The following DENND1B variants were observed in gnomAD, a reference collection of about 807,000 sequenced individuals.
DENND1B encodes the protein DENN domain containing 1B.
A neutral mutation model predicts 90.1 loss-of-function variants in DENND1B; 59 were observed. The ratio of observed to expected loss-of-function variants is 0.65; its 90% CI spans 0.53 to 0.81. The LOEUF is 0.81. Ranked by LOEUF, DENND1B falls within the 40% of genes least tolerant of loss-of-function variation. DENND1B has a pLI of 0.00. For synonymous variants in DENND1B, 337 were observed against 324.6 expected (o/e 1.04, Z -0.41); for missense variants, 862 against 912.6 (o/e 0.94, Z 0.71).
intron 12 of DENND1B, among the ~76,000 whole-genome samples, chr1:197,609,906 T>A (rs781725518): frequency 1.3e-5 from 2 of 150,732 alleles, no homozygotes; most frequent in Non-Finnish European, 3.0e-5. Flanking sequence ...AATAGCTGTA[T>A]CAATATTTTA....
At chr1:197,660,899 G>A (rs963927612) in intron 5 of DENND1B, among the ~76,000 whole-genome samples, 3 of 152,066 alleles carry the variant, frequency 2.0e-5, no homozygotes, top group South Asian at 4.2e-4. Flanking sequence ...AGGAATACAC[G>A]GATGTAGGAG....
chr1:197,730,997 T>C (rs1662096245), intron 2 of DENND1B, among the ~76,000 whole-genome samples: 1 of 152,124 alleles, frequency 6.6e-6, no homozygotes, highest in African/African-American at 2.4e-5. Flanking sequence ...CCCATAATGT[T>C]GATATTACCA....
At chr1:197,612,655 A>C (rs1677284855) in intron 11 of DENND1B, among the ~76,000 whole-genome samples, 1 of 150,702 alleles carries the variant, frequency 6.6e-6, no homozygotes, top group South Asian at 2.1e-4. Context: ...AATTTTAATA[A>C]ATTTAAAAAT....
At chr1:197,611,851 T>C in intron 12 of DENND1B, 80 bp downstream of exon 12, 2 of 1,271,136 alleles carry the variant, frequency 1.6e-6, no homozygotes, top group South Asian at 2.5e-5. Flanking sequence ...ATACCACTGA[T>C]ATTTCTTCAA....
intron 16 of DENND1B, 99 bp from the exon 17 acceptor site, chr1:197,546,872 G>T: frequency 1.0e-6 from 1 of 1,004,312 alleles, no homozygotes; most frequent in Non-Finnish European, 1.5e-6. Context: ...TTTTTAGTAG[G>T]CAAATTTTAT....
At chr1:197,621,045 G>A (rs1371239379) in intron 10 of DENND1B, among the ~76,000 whole-genome samples, 1 of 151,228 alleles carries the variant, frequency 6.6e-6, no homozygotes, top group Non-Finnish European at 1.5e-5. Flanking sequence ...GCATTCAGAA[G>A]TCCCAGGTGA....
At chr1:197,642,292 C>A (rs1680332547) in intron 10 of DENND1B, among the ~76,000 whole-genome samples, 1 of 152,110 alleles carries the variant, frequency 6.6e-6, no homozygotes, top group African/African-American at 2.4e-5. Flanking sequence ...CACTACTTGG[C>A]AACAAAGATG....
chr1:197,648,722 A>G (rs1652764085), intron 7 of DENND1B, among the ~76,000 whole-genome samples: 1 of 152,270 alleles, frequency 6.6e-6, no homozygotes, highest in African/African-American at 2.4e-5. Context: ...TTCTTTGGGC[A>G]TCAATGACCT....
At chr1:197,580,053 T>C (rs939135876) in intron 15 of DENND1B, among the ~76,000 whole-genome samples, 1 of 150,632 alleles carries the variant, frequency 6.6e-6, no homozygotes, top group Non-Finnish European at 1.5e-5. Context: ...TCTTTCATTG[T>C]ATTTTTAATA....
chr1:197,543,219 C>T (rs1261468602), intron 18 of DENND1B, among the ~76,000 whole-genome samples: 4 of 152,158 alleles, frequency 2.6e-5, no homozygotes, highest in Non-Finnish European at 5.9e-5. Flanking sequence ...CAGGTGTGAG[C>T]CACAGCACCC....
intron 14 of DENND1B, among the ~76,000 whole-genome samples, chr1:197,583,506 C>T (rs1674426684): frequency 6.6e-6 from 1 of 152,076 alleles, no homozygotes; most frequent in Non-Finnish European, 1.5e-5. Flanking sequence ...AGTAAATCCC[C>T]TAAAAATAAA....
At chr1:197,760,979 G>A (rs1047262056) in intron 2 of DENND1B, among the ~76,000 whole-genome samples, 1 of 152,036 alleles carries the variant, frequency 6.6e-6, no homozygotes, top group Non-Finnish European at 1.5e-5. Context: ...ATTTTTGTAC[G>A]TAACAGTTCT....
rs1667873534 is a variant in DENND1B, at chr1:197,509,346, T to C, written c.*1114A>G. ...GGAGACATTCCAACTCAATATAGTG[T>C]GGTATTCTGAATAGGATCTTGATGT... On this transcript the variant is annotated 3_prime_UTR_variant, in exon 23 of 23. Transcript: ENST00000620048. 6.6e-6 allele frequency: 1 copy of C among 151,756 alleles called. No individual in the cohort carries two copies. The highest frequency in any genetic ancestry group is 6.6e-5 in the Admixed American group (1 of 15,184). The allele number at this position is 151,756 out of a possible 1,614,324, so 9.4% of individuals were successfully genotyped here. A position where few individuals can be genotyped will look rare whatever the true frequency, so the allele number is the denominator to read the frequency against.
rs1196523150 is a variant in DENND1B at position 197,759,742 on chromosome 1, C to CAAAA, written c.82+13122_82+13125dup. 2.0e-3 allele frequency among the ~76,000 whole-genome samples: 76 copies of CAAAA among 38,056 alleles called. 2 individuals carry two copies. The highest frequency in any genetic ancestry group is 4.1e-3 in the African/African-American group (38 of 9,258). The allele number at this position is 38,056 out of a possible 152,430, so 25.0% of individuals were successfully genotyped here. The stretch of plus-strand genomic sequence containing the variant: ...TGGGTGATTGAGCAAGACTCCGTCT[C>CAAAA]AAAAAAAAAAAAAAAAAAAAAAAAG... On this transcript the variant is annotated intron_variant, in intron 2 of 22. Coordinates refer to ENST00000620048, the MANE Select transcript of DENND1B (RefSeq NM_001195215.2).
chr1:197,694,324 C>A (rs185211595), intron 3 of DENND1B, among the ~76,000 whole-genome samples: 1 of 151,248 alleles, frequency 6.6e-6, no homozygotes, highest in Non-Finnish European at 1.5e-5. Flanking sequence ...TGAGTTTATG[C>A]CAATTTTGCA....
intron 7 of DENND1B, among the ~76,000 whole-genome samples, chr1:197,651,745 T>A (rs1037230263): frequency 7.8e-6 from 1 of 128,488 alleles, no homozygotes; most frequent in Admixed American, 9.7e-5. Context: ...AAGCTCCGCC[T>A]CCCGGGTTCA....
At chr1:197,697,495 G>C (rs1369773721) in intron 3 of DENND1B, among the ~76,000 whole-genome samples, 1 of 151,548 alleles carries the variant, frequency 6.6e-6, no homozygotes, top group Non-Finnish European at 1.5e-5. Flanking sequence ...CCTAAAAAGA[G>C]GACCAACTAA....
At chr1:197,593,963 T>C (rs1333062369) in intron 14 of DENND1B, among the ~76,000 whole-genome samples, 1 of 152,158 alleles carries the variant, frequency 6.6e-6, no homozygotes, top group Admixed American at 6.5e-5. Context: ...AATACGAATA[T>C]GCCCTACTGT....
intron 5 of DENND1B, 91 bp from the exon 6 acceptor site, chr1:197,658,460 G>T: frequency 1.1e-6 from 1 of 883,710 alleles, no homozygotes; most frequent in Non-Finnish European, 1.7e-6. Flanking sequence ...AATTCAAACA[G>T]GTTAATCCTG....
Sources: allele counts gnomAD v4.1 joint callset (sites outside exome capture counted in the v4.1 genomes callset), GRCh38; gene constraint gnomAD v4.1.1; transcripts MANE v1.5; gene names NCBI Gene and HGNC (gene_info 2026-07-23, HGNC 2026-07-21).